MNAT1: variants seen among roughly 807,000 people sequenced by gnomAD.
MNAT1 encodes the protein MNAT1 component of CDK activating kinase.
MNAT1 carries 43 observed loss-of-function variants against 42.0 expected under a neutral mutation model. The observed-to-expected ratio is 1.02, with a 90% CI of 0.80 to 1.32. MNAT1 has a LOEUF of 1.32. Ranked by LOEUF, MNAT1 falls within the 40% of genes most tolerant of loss-of-function variation. The pLI is 0.00. For synonymous variants in MNAT1, 118 were observed against 120.0 expected, an observed-to-expected ratio of 0.98 and a Z score of 0.11; for missense variants, 306 against 350.4, an observed-to-expected ratio of 0.87 and a Z score of 1.01.
intron 1 of MNAT1, among the ~76,000 whole-genome samples, chr14:60,772,576 A>G (rs2031098424): frequency 6.6e-6 from 1 of 151,126 alleles, no homozygotes; most frequent in South Asian, 2.1e-4. Flanking sequence ...AGCCTGGACA[A>G]GAGTGAAACT....
chr14:60,811,582 G>T (rs1223500168), intron 4 of MNAT1, among the ~76,000 whole-genome samples: 1 of 152,028 alleles, frequency 6.6e-6, no homozygotes, highest in Non-Finnish European at 1.5e-5. Flanking sequence ...GATTACAGGT[G>T]TGAGCCGCTG....
intron 5 of MNAT1, among the ~76,000 whole-genome samples, chr14:60,812,824 C>A (rs2032594661): frequency 6.6e-6 from 1 of 152,176 alleles, no homozygotes; most frequent in South Asian, 2.1e-4. Flanking sequence ...CTCTCCAGCT[C>A]CCCTCTCTGC....
At chr14:60,863,898 C>T (rs1217374886) in intron 6 of MNAT1, among the ~76,000 whole-genome samples, 1 of 152,040 alleles carries the variant, frequency 6.6e-6, no homozygotes, top group East Asian at 1.9e-4. Flanking sequence ...CAATTTACTT[C>T]TGCATTGCCA....
At chr14:60,927,681 C>T (rs1594881750) in intron 7 of MNAT1, among the ~76,000 whole-genome samples, 2 of 152,218 alleles carry the variant, frequency 1.3e-5, no homozygotes. Flanking sequence ...TTCTTCCCAC[C>T]TTGAGACATG....
At chr14:60,817,217 T>C (rs978357728) in intron 5 of MNAT1, among the ~76,000 whole-genome samples, 5 of 151,826 alleles carry the variant, frequency 3.3e-5, no homozygotes, top group Non-Finnish European at 7.4e-5. Context: ...TTAAAAATGT[T>C]CTTTAATTTT....
intron 6 of MNAT1, among the ~76,000 whole-genome samples, chr14:60,839,570 C>A (rs1414684864): frequency 6.6e-6 from 1 of 152,200 alleles, no homozygotes; most frequent in Non-Finnish European, 1.5e-5. Flanking sequence ...TCCCCCTGCT[C>A]ACCATGTTTG....
intron 6 of MNAT1, among the ~76,000 whole-genome samples, chr14:60,856,732 G>A (rs1021299963): frequency 7.3e-5 from 11 of 150,972 alleles, no homozygotes; most frequent in African/African-American, 2.4e-4. Flanking sequence ...CCAGGCTGGA[G>A]TGCAGTGGCA....
At chr14:60,821,670 CT>C (rs2032893586) in intron 6 of MNAT1, among the ~76,000 whole-genome samples, 1 of 152,154 alleles carries the variant, frequency 6.6e-6, no homozygotes, top group Non-Finnish European at 1.5e-5. Flanking sequence ...GATGCTTCCC[CT>C]AACATTTTAT....
At chr14:60,860,820 T>C (rs2034079462) in intron 6 of MNAT1, among the ~76,000 whole-genome samples, 1 of 152,140 alleles carries the variant, frequency 6.6e-6, no homozygotes, top group African/African-American at 2.4e-5. Context: ...AGAAGATATA[T>C]AGATGGGAAA....
chr14:60,780,698 A>G (rs2031427026), intron 1 of MNAT1: 1 of 784,354 alleles, frequency 1.3e-6, no homozygotes, highest in Non-Finnish European at 2.1e-6. Context: ...TAATTTATAC[A>G]TGGAGAAAAC....
chr14:60,859,622 A>G (rs772192923), intron 6 of MNAT1, among the ~76,000 whole-genome samples: 1 of 152,204 alleles, frequency 6.6e-6, no homozygotes, highest in Non-Finnish European at 1.5e-5. Flanking sequence ...CTTTAAACGC[A>G]CTACTGTTTT....
intron 7 of MNAT1, among the ~76,000 whole-genome samples, chr14:60,921,861 TA>T (rs2139553921): frequency 6.6e-6 from 1 of 152,296 alleles, no homozygotes; most frequent in South Asian, 2.1e-4. Context: ...GACATGGCTC[TA>T]AACAAGACCC....
chr14:60,837,207 A>G (rs1401564870), intron 6 of MNAT1, among the ~76,000 whole-genome samples: 2 of 152,188 alleles, frequency 1.3e-5, no homozygotes, highest in Non-Finnish European at 2.9e-5. Context: ...CCCTGGCTTC[A>G]GCCCCCTTTC....
chr14:60,944,712 T>C (rs917981646), intron 7 of MNAT1, among the ~76,000 whole-genome samples: 1 of 152,128 alleles, frequency 6.6e-6, no homozygotes, highest in Non-Finnish European at 1.5e-5. Flanking sequence ...GCCTAAATTA[T>C]AAAATTTTAT....
In MNAT1 at chr14:60,969,489, A is replaced by G. The variant is rs1366963932; in HGVS notation, c.*1140A>G. On this transcript the variant is annotated 3_prime_UTR_variant, in exon 8 of 8. Transcript: ENST00000261245. The stretch of plus-strand genomic sequence containing the variant: ...ATTTTAGCAATACATCTTCATCTTT[A>G]TTGTACTTCTATCTTTGTTAAATGA... The G allele has an allele frequency of 6.6e-6, 1 of 152,130 alleles. No homozygotes were observed. Among genetic ancestry groups the G allele is most frequent in the Admixed American group, 6.5e-5 (1 of 15,272 alleles). The allele number at this position is 152,130 out of a possible 1,614,324, so 9.4% of individuals were successfully genotyped here. A position where few individuals can be genotyped will look rare whatever the true frequency, so the allele number is the denominator to read the frequency against.
chr14:60,785,981 C>T (rs1482158385), intron 1 of MNAT1, among the ~76,000 whole-genome samples: 1 of 151,504 alleles, frequency 6.6e-6, no homozygotes, highest in Non-Finnish European at 1.5e-5. Flanking sequence ...TTTTCATGGC[C>T]TCTTAAAAAT....
At chr14:60,796,180 T>G in intron 1 of MNAT1, 37 bp from the exon 2 acceptor site, 1 of 1,578,142 alleles carries the variant, frequency 6.3e-7, no homozygotes, top group Non-Finnish European at 8.6e-7. Context: ...GATTTGAACA[T>G]TGGCTTAAAT....
intron 7 of MNAT1, among the ~76,000 whole-genome samples, chr14:60,938,891 T>C (rs562719067): frequency 3.9e-5 from 6 of 152,344 alleles, no homozygotes; most frequent in African/African-American, 1.4e-4. Context: ...AAGCTATTAA[T>C]TATTGCCTCA....
At chr14:60,895,756 A>G (rs2034943766) in intron 7 of MNAT1, among the ~76,000 whole-genome samples, 1 of 152,158 alleles carries the variant, frequency 6.6e-6, no homozygotes, top group Admixed American at 6.5e-5. Context: ...ACATAGTGAG[A>G]CTCTGTCTCA....
Sources: gnomAD v4.1 joint callset for allele counts (sites outside exome capture counted in the v4.1 genomes callset) on GRCh38, gnomAD v4.1.1 for gene constraint, MANE v1.5 for transcripts, NCBI Gene and HGNC (gene_info 2026-07-23, HGNC 2026-07-21) for gene names.